OR1J2: variants seen among roughly 807,000 people sequenced by gnomAD.
OR1J2 encodes olfactory receptor family 1 subfamily J member 2.
For synonymous variants in OR1J2, 142 were observed against 99.7 expected, an observed-to-expected ratio of 1.42 and a Z score of -2.52; for missense variants, 304 against 246.1, an observed-to-expected ratio of 1.24 and a Z score of -1.57.
At chr9:122,526,603 C>T in the OR1J2 span, 2 of 1,614,124 alleles carry the variant, frequency 1.2e-6, no homozygotes, top group Non-Finnish European at 1.7e-6. Flanking sequence ...TTGCCCACCC[C>T]ACCACGGGTT....
At chr9:122,464,094 C>T in the OR1J2 span, among the ~76,000 whole-genome samples, 16 of 152,196 alleles carry the variant, frequency 1.1e-4, no homozygotes, top group Admixed American at 3.9e-4. Flanking sequence ...AGCTCAGGCT[C>T]GCCTTTGGTG....
At chr9:122,495,315 C>T in the OR1J2 span, among the ~76,000 whole-genome samples, 2 of 152,276 alleles carry the variant, frequency 1.3e-5, no homozygotes, top group East Asian at 1.9e-4. Flanking sequence ...TCCTTGGGAA[C>T]ACCAATTATT....
At chr9:122,508,355 T>G (rs1187055889), upstream of OR1J2, among the ~76,000 whole-genome samples, 1 of 152,124 alleles carries the variant, frequency 6.6e-6, no homozygotes, top group East Asian at 1.9e-4. Flanking sequence ...ATAGCTAGAT[T>G]TAAAAACTGA....
chr9:122,526,841 A>G, the OR1J2 span: 1 of 1,614,128 alleles, frequency 6.2e-7, no homozygotes, highest in Non-Finnish European at 8.5e-7. Flanking sequence ...GGGCAACGAT[A>G]TTGGTGAGGA....
At chr9:122,520,053 T>A in the OR1J2 span, 4 of 1,613,262 alleles carry the variant, frequency 2.5e-6, no homozygotes, top group Non-Finnish European at 3.4e-6. Flanking sequence ...GGAGAGACTC[T>A]TCAACAGGGC....
chr9:122,541,033 A>G, the OR1J2 span, among the ~76,000 whole-genome samples: 3 of 151,610 alleles, frequency 2.0e-5, no homozygotes, highest in Non-Finnish European at 4.4e-5. Flanking sequence ...ACATTGACCA[A>G]CCTCCCTGCT....
chr9:122,464,066 C>T, the OR1J2 span, among the ~76,000 whole-genome samples: 1 of 152,180 alleles, frequency 6.6e-6, no homozygotes, highest in Non-Finnish European at 1.5e-5. Flanking sequence ...CAGGTAGGGG[C>T]AGGGTTAGGC....
chr9:122,469,894 A>G, the OR1J2 span, among the ~76,000 whole-genome samples: 1 of 152,272 alleles, frequency 6.6e-6, no homozygotes, highest in Middle Eastern at 3.4e-3. Context: ...GAGATGATTT[A>G]GGGTACCTGG....
the OR1J2 span, among the ~76,000 whole-genome samples, chr9:122,548,172 G>T: frequency 6.6e-6 from 1 of 152,164 alleles, no homozygotes; most frequent in Non-Finnish European, 1.5e-5. Flanking sequence ...AAGATCCAAG[G>T]ATGCAGTTAG....
chr9:122,481,383 A>G, the OR1J2 span, among the ~76,000 whole-genome samples: 33 of 152,246 alleles, frequency 2.2e-4, 1 homozygote, highest in South Asian at 1.4e-3. Flanking sequence ...TCATTACGAC[A>G]GCAACCACCA....
the OR1J2 span, among the ~76,000 whole-genome samples, chr9:122,467,341 C>T: frequency 6.6e-6 from 1 of 152,148 alleles, no homozygotes; most frequent in Non-Finnish European, 1.5e-5. Context: ...TTCTGCCCCG[C>T]TCCACCACCT....
chr9:122,574,111 A>AT, the OR1J2 span, among the ~76,000 whole-genome samples: 1 of 152,026 alleles, frequency 6.6e-6, no homozygotes, highest in Non-Finnish European at 1.5e-5. Flanking sequence ...TATTGTCTTG[A>AT]TTACTGTAGC....
the OR1J2 span, among the ~76,000 whole-genome samples, chr9:122,545,824 A>G: frequency 6.6e-6 from 1 of 152,180 alleles, no homozygotes; most frequent in Non-Finnish European, 1.5e-5. Flanking sequence ...TTTGTAAAAT[A>G]CCAGACTGGG....
At chr9:122,535,196 G>A in the OR1J2 span, among the ~76,000 whole-genome samples, 3 of 151,940 alleles carry the variant, frequency 2.0e-5, no homozygotes, top group South Asian at 2.1e-4. Flanking sequence ...TAAAGGGTCG[G>A]GGTGCAGAAA....
chr9:122,488,199 A>G, the OR1J2 span, among the ~76,000 whole-genome samples: 1 of 152,090 alleles, frequency 6.6e-6, no homozygotes, highest in Non-Finnish European at 1.5e-5. Flanking sequence ...GTGCAGTGGC[A>G]TGATCTCAGC....
At chr9:122,476,821 T>G in the OR1J2 span, 118 of 578,762 alleles carry the variant, frequency 2.0e-4, 1 homozygote, top group South Asian at 1.5e-3. Flanking sequence ...TTCTTCTGCC[T>G]CAGTCTCCCG....
At chr9:122,553,823 CATGGG>C in the OR1J2 span, 1 of 1,613,966 alleles carries the variant, frequency 6.2e-7, no homozygotes, top group Non-Finnish European at 8.5e-7. Flanking sequence ...TGATCATCAC[CATGGG>C]CTTGCTGTTC....
the OR1J2 span, among the ~76,000 whole-genome samples, chr9:122,451,912 T>C: frequency 6.6e-6 from 1 of 152,042 alleles, no homozygotes; most frequent in Non-Finnish European, 1.5e-5. Context: ...GGAGTCTCGC[T>C]CTGTCGCCCA....
the OR1J2 span, among the ~76,000 whole-genome samples, chr9:122,518,883 G>A: frequency 1.3e-5 from 2 of 152,310 alleles, no homozygotes; most frequent in East Asian, 1.9e-4. Context: ...ACGGTGTGAA[G>A]CTTTCTCTTT....
Sources: gnomAD v4.1 joint callset for allele counts (sites outside exome capture counted in the v4.1 genomes callset) on GRCh38, gnomAD v4.1.1 for gene constraint, MANE v1.5 for transcripts, NCBI Gene and HGNC (gene_info 2026-07-23, HGNC 2026-07-21) for gene names.